The following CNTNAP5 variants were observed in gnomAD, a reference collection of about 807,000 sequenced individuals.
The protein encoded by CNTNAP5 is contactin associated protein family member 5, also known as contactin-associated protein-like 5.
A neutral mutation model predicts 150.2 loss-of-function variants in CNTNAP5; 72 were observed. The ratio of observed to expected loss-of-function variants is 0.48; its 90% confidence interval spans 0.40 to 0.58. CNTNAP5 has a LOEUF of 0.58. Among genes scored for constraint, CNTNAP5 ranks in the 20% least tolerant of loss-of-function variants. The pLI is 0.00. For missense variants in CNTNAP5, 1,636 were observed against 1,626.2 expected (o/e 1.01, Z -0.10); for synonymous variants, 672 against 619.8 (o/e 1.08, Z -1.25).
chr2:124,671,851 G>C (rs995345947), intron 13 of CNTNAP5, among the ~76,000 whole-genome samples: 3 of 152,048 alleles, frequency 2.0e-5, no homozygotes, highest in Non-Finnish European at 4.4e-5. Flanking sequence ...TGTTGGCCAG[G>C]CTGGTCTCAA....
chr2:124,912,876 TGCA>T (rs1338328076), intron 23 of CNTNAP5, among the ~76,000 whole-genome samples: 1 of 152,054 alleles, frequency 6.6e-6, no homozygotes, highest in East Asian at 1.9e-4. Context: ...CATCTCTTAA[TGCA>T]GCATCCCACT....
At chr2:124,852,631 A>G (rs944900568) in intron 19 of CNTNAP5, among the ~76,000 whole-genome samples, 6 of 152,214 alleles carry the variant, frequency 3.9e-5, no homozygotes, top group Admixed American at 1.3e-4. Context: ...GTAAATGCTT[A>G]TTTTGACTGC....
chr2:124,876,016 G>A (rs1677853201), intron 21 of CNTNAP5, among the ~76,000 whole-genome samples: 1 of 152,084 alleles, frequency 6.6e-6, no homozygotes, highest in South Asian at 2.1e-4. Flanking sequence ...CAGTCTGTCT[G>A]TTTCTCACTC....
chr2:124,424,543 G>A (rs914127796), intron 4 of CNTNAP5, among the ~76,000 whole-genome samples: 1 of 152,134 alleles, frequency 6.6e-6, no homozygotes, highest in Non-Finnish European at 1.5e-5. Flanking sequence ...CTTTCTCATA[G>A]TTCCTATAGG....
chr2:124,587,550 A>G (rs1208339689), intron 11 of CNTNAP5, among the ~76,000 whole-genome samples: 1 of 152,100 alleles, frequency 6.6e-6, no homozygotes, highest in Admixed American at 6.6e-5. Context: ...CTCTTTTTTA[A>G]AAGATCTCTT....
At chr2:124,626,769 G>T (rs532236519) in intron 12 of CNTNAP5, among the ~76,000 whole-genome samples, 7 of 152,272 alleles carry the variant, frequency 4.6e-5, no homozygotes, top group Non-Finnish European at 8.8e-5. Flanking sequence ...CGCTCAGCAG[G>T]TCCCACTTCC....
chr2:124,703,109 T>C (rs59825833), intron 13 of CNTNAP5, among the ~76,000 whole-genome samples: 56 of 143,246 alleles, frequency 3.9e-4, no homozygotes, highest in African/African-American at 9.3e-4. Context: ...CTTCCTTCCT[T>C]CCTCCCTCCC....
chr2:124,526,345 T>TCTGG (rs1553476163), intron 9 of CNTNAP5, among the ~76,000 whole-genome samples: 1 of 152,182 alleles, frequency 6.6e-6, no homozygotes, highest in Non-Finnish European at 1.5e-5. Context: ...AGTTGTAGCA[T>TCTGG]CTCTCTTCAT....
At chr2:124,822,661 C>T (rs536846182) in intron 19 of CNTNAP5, among the ~76,000 whole-genome samples, 1 of 152,260 alleles carries the variant, frequency 6.6e-6, no homozygotes, top group East Asian at 1.9e-4. Flanking sequence ...TCTAATGATT[C>T]TAGGCAAACT....
intron 13 of CNTNAP5, among the ~76,000 whole-genome samples, chr2:124,661,930 C>T (rs1252457668): frequency 6.6e-6 from 1 of 151,934 alleles, no homozygotes; most frequent in Non-Finnish European, 1.5e-5. Flanking sequence ...TATACATGTG[C>T]CATGGTGGTT....
At chr2:124,316,923 C>A (rs974460582) in intron 3 of CNTNAP5, among the ~76,000 whole-genome samples, 9 of 151,476 alleles carry the variant, frequency 5.9e-5, no homozygotes, top group Admixed American at 6.6e-5. Context: ...CTTTCATGGT[C>A]ACACACAAAA....
At chr2:124,166,859 T>C (rs1445768969) in intron 1 of CNTNAP5, among the ~76,000 whole-genome samples, 1 of 152,152 alleles carries the variant, frequency 6.6e-6, no homozygotes, top group Non-Finnish European at 1.5e-5. Flanking sequence ...TCTTTGTCCT[T>C]TGATAAAACT....
intron 21 of CNTNAP5, among the ~76,000 whole-genome samples, chr2:124,878,708 T>A (rs1295177131): frequency 6.6e-6 from 1 of 151,762 alleles, no homozygotes; most frequent in Non-Finnish European, 1.5e-5. Context: ...TTTCTTTTTT[T>A]TTTTTGGAGA....
intron 3 of CNTNAP5, among the ~76,000 whole-genome samples, chr2:124,304,628 G>A (rs1688636848): frequency 6.6e-6 from 1 of 152,092 alleles, no homozygotes; most frequent in African/African-American, 2.4e-5. Flanking sequence ...CTACAATGTT[G>A]AGAGTCAATT....
At chr2:124,503,949 T>C (rs895283632) in intron 7 of CNTNAP5, among the ~76,000 whole-genome samples, 4 of 152,214 alleles carry the variant, frequency 2.6e-5, no homozygotes, top group Non-Finnish European at 4.4e-5. Context: ...ACGTTCCACA[T>C]TGTGAGCTTG....
chr2:124,384,293 T>C (rs910606967), intron 3 of CNTNAP5, among the ~76,000 whole-genome samples: 1 of 152,180 alleles, frequency 6.6e-6, no homozygotes, highest in Non-Finnish European at 1.5e-5. Context: ...ACAACATTTT[T>C]CCTATGCATA....
intron 14 of CNTNAP5, among the ~76,000 whole-genome samples, chr2:124,759,029 A>G (rs1175525463): frequency 6.6e-6 from 1 of 152,140 alleles, no homozygotes; most frequent in Non-Finnish European, 1.5e-5. Flanking sequence ...GTCAATATAT[A>G]AATCAATGTC....
intron 3 of CNTNAP5, among the ~76,000 whole-genome samples, chr2:124,276,576 A>G (rs528145956): frequency 6.6e-6 from 1 of 152,256 alleles, no homozygotes; most frequent in African/African-American, 2.4e-5. Flanking sequence ...TTTGGGCCCA[A>G]CCTTTCAAAC....
At chr2:124,156,644 C>A (rs545682667) in intron 1 of CNTNAP5, among the ~76,000 whole-genome samples, 1 of 152,098 alleles carries the variant, frequency 6.6e-6, no homozygotes, top group East Asian at 1.9e-4. Context: ...TACAAACATG[C>A]GCCACCATAC....
Sources: gnomAD v4.1 joint callset for allele counts (sites outside exome capture counted in the v4.1 genomes callset) on GRCh38, gnomAD v4.1.1 for gene constraint, MANE v1.5 for transcripts, NCBI Gene and HGNC (gene_info 2026-07-23, HGNC 2026-07-21) for gene names.